AP5B1: variants seen among roughly 807,000 people sequenced by gnomAD.
AP5B1 encodes AP-5 complex subunit beta-1.
A neutral mutation model predicts 5.7 loss-of-function variants in AP5B1; 3 were observed. The ratio of observed to expected loss-of-function variants is 0.53; its 90% confidence interval spans 0.24 to 1.36. The LOEUF is 1.36. AP5B1 is among the 40% of genes most tolerant of loss of function. AP5B1 has a pLI of 0.17. For synonymous variants in AP5B1, 696 were observed against 555.5 expected (o/e 1.25, Z -3.56); for missense variants, 1,310 against 1,143.2 (o/e 1.15, Z -2.10).
In AP5B1 at chr11:65,779,591, TG is replaced by T. The variant is rs1411638899; in HGVS notation, c.901del (p.Gln301ArgfsTer16). ...WLLGWALRGL[Q>X]GQPPALFKPQ... Reference sequence around the variant, plus strand: ...CTTGAAGAGTGCCGGTGGCTGTCCCTGCAGACCCCGCAGGGCCCAGCCCAGC... The same window carrying T: ...CTTGAAGAGTGCCGGTGGCTGTCCCTCAGACCCCGCAGGGCCCAGCCCAGC... On this transcript the variant is annotated frameshift_variant, in exon 2 of 2. Transcript: ENST00000532090. LOFTEE classifies it low-confidence loss of function (END_TRUNC). The T allele has an allele frequency of 1.2e-6, 2 of 1,606,732 alleles. No homozygotes were observed.
chr11:65,779,969 A>G lies in AP5B1; in HGVS notation c.524T>C (p.Leu175Pro). 1.3e-6 allele frequency: 2 copies of G among 1,581,420 alleles called. No homozygotes were observed. Among genetic ancestry groups the G allele is most frequent in the Non-Finnish European group, 8.6e-7 (1 of 1,164,472 alleles). ...LGGSLGLLRG[L>P]LGQEGPVQPL... ...CTGGACAGGGCCTTCCTGCCCCAGC[A>G]GGCCCCGCAGCAACCCCAGGGAGCC... The change falls in exon 2 of 2, where the codon CTG becomes CCG. Residue 175 changes from leucine to proline, a missense_variant. Physicochemically the swap from Leu to Pro is moderately conservative, Grantham distance 98. Coordinates refer to ENST00000532090, the MANE Select transcript of AP5B1 (RefSeq NM_138368.5).
Position 65,777,495 on chromosome 11 carries a change from T to G in AP5B1, c.*361A>C. On this transcript the variant is annotated 3_prime_UTR_variant, in exon 2 of 2. Coordinates refer to ENST00000532090, the MANE Select transcript of AP5B1 (RefSeq NM_138368.5). Reference sequence around the variant, plus strand: ...TGCCCTCCTGCGTGGACTCAGGCCGTTATCTTGGGAGTGGGTTCGCTCTCT... The same window carrying G: ...TGCCCTCCTGCGTGGACTCAGGCCGGTATCTTGGGAGTGGGTTCGCTCTCT... 5 of 225,494 alleles carry G rather than the reference T, an allele frequency of 2.2e-5. No individual in the cohort carries two copies. Among genetic ancestry groups the G allele is most frequent in the East Asian group, 9.0e-5 (1 of 11,150 alleles). 14.0% of individuals were successfully genotyped at this position (225,494 alleles called of 1,614,324 possible). A position where few individuals can be genotyped will look rare whatever the true frequency, so the allele number is the denominator to read the frequency against.
At position 65,776,726 on chromosome 11, in the gene AP5B1, G is replaced by A. The variant is rs1857769446; in HGVS notation, c.*1130C>T. The stretch of plus-strand genomic sequence containing the variant: ...GCTGGCTCTAATCGGCACAGCTTGG[G>A]AAGCTCTCCACCTGGCCACTGCTGT... On this transcript the variant is annotated 3_prime_UTR_variant, in exon 2 of 2. Coordinates refer to ENST00000532090, the MANE Select transcript of AP5B1 (RefSeq NM_138368.5). The A allele has an allele frequency of 6.6e-6, 1 of 152,244 alleles. No homozygotes were observed. The highest frequency in any genetic ancestry group is 6.5e-5 in the Admixed American group (1 of 15,278). 9.4% of individuals were successfully genotyped at this position (152,244 alleles called of 1,614,324 possible). A position where few individuals can be genotyped will look rare whatever the true frequency, so the allele number is the denominator to read the frequency against.
In AP5B1 at chr11:65,778,614, A is replaced by T. The variant is rs372288226; in HGVS notation, c.1879T>A (p.Leu627Met). 3 of 1,595,496 alleles carry T rather than the reference A, an allele frequency of 1.9e-6. No individual in the cohort carries two copies. The highest frequency in any genetic ancestry group is 4.5e-5 in the East Asian group (2 of 44,112). The change falls in exon 2 of 2, where the codon TTG becomes ATG. Residue 627 changes from leucine (L) to methionine (M), a missense_variant. Leu to Met is a conservative substitution (Grantham distance 15). Transcript: ENST00000532090. ...ILLAHLAAPK[L>M]GVALGPSLAA... Reference sequence around the variant, plus strand: ...AGCGAGGGGCCCAGGGCCACCCCCAACTTGGGTGCTGCCAGGTGTGCCAGC... The same window carrying T: ...AGCGAGGGGCCCAGGGCCACCCCCATCTTGGGTGCTGCCAGGTGTGCCAGC...
chr11:65,778,404 A>G lies in AP5B1; in HGVS notation c.2089T>C (p.Phe697Leu), dbSNP rs1555023306. ...LEPIYSLELRFRVEGQLYAPL... is the reference protein window; with the variant it reads ...LEPIYSLELRLRVEGQLYAPL... ...GCATACAGCTGTCCTTCCACACGGA[A>G]GCGCAGCTCCAGAGAGTAGATGGGC... Residue 697 changes from phenylalanine (F) to leucine (L), a missense_variant, in exon 2 of 2, where the codon TTC (phenylalanine) becomes CTC (leucine). Transcript: ENST00000532090. 3.8e-6 allele frequency: 6 copies of G among 1,593,018 alleles called. No homozygotes were observed. Among genetic ancestry groups the G allele is most frequent in the Non-Finnish European group, 4.3e-6 (5 of 1,172,114 alleles).
In AP5B1 at chr11:65,780,446, G is replaced by T; in HGVS notation, c.146C>A (p.Thr49Asn). The stretch of plus-strand genomic sequence containing the variant: ...AGGGGACGCGTGGGGGCCTACCTTG[G>T]TCTGTTCGCTCAGCTTCTCACTTCT... ...DLRSEKLSEQTKVSLLALSME... is the reference protein window; with the variant it reads ...DLRSEKLSEQNKVSLLALSME... Residue 49 changes from threonine (T) to asparagine (N), a missense_variant, in exon 1 of 2, where the codon ACC becomes AAC. By Grantham distance (65) the Thr-to-Asn change is moderately conservative (BLOSUM62 0). Transcript: ENST00000532090. 1.3e-6 allele frequency: 2 copies of T among 1,514,954 alleles called. No individual in the cohort carries two copies. The highest frequency in any genetic ancestry group is 1.8e-6 in the Non-Finnish European group (2 of 1,137,974). 93.8% of individuals were successfully genotyped at this position (1,514,954 alleles called of 1,614,324 possible).
At position 65,779,003 on chromosome 11, in the gene AP5B1, C is replaced by T. The variant is rs541756495; in HGVS notation, c.1490G>A (p.Arg497Gln). 21 of 1,610,892 alleles carry T rather than the reference C, an allele frequency of 1.3e-5. No homozygotes were observed. The highest frequency in any genetic ancestry group is 6.7e-5 in the Admixed American group (4 of 59,810). ...CACAAAGTGGGGAGCCAGCATGGGC[C>T]GGGCTTGGTACAGCTGGGCCAGTCC... The part of the protein sequence containing the change: ...IHGLAQLYQA[R>Q]PMLAPHFVDL... Residue 497 changes from arginine to glutamine, a missense_variant, in exon 2 of 2, where the codon CGG becomes CAG. Coordinates refer to ENST00000532090, the MANE Select transcript of AP5B1 (RefSeq NM_138368.5).
chr11:65,780,819 G>C lies in AP5B1; in HGVS notation c.-228C>G. Reference sequence around the variant, plus strand: ...ACAGGACAGGAGCAGGGCGGGGGAGGGTGCGTGCCGAGAGCTCGTTAGGCC... The same window carrying C: ...ACAGGACAGGAGCAGGGCGGGGGAGCGTGCGTGCCGAGAGCTCGTTAGGCC... On this transcript the variant is annotated 5_prime_UTR_variant, in exon 1 of 2. Transcript: ENST00000532090. 2.7e-6 allele frequency: 1 copy of C among 370,890 alleles called. No homozygotes were observed. Among genetic ancestry groups the C allele is most frequent in the Non-Finnish European group, 4.7e-6 (1 of 212,892 alleles). The allele number at this position is 370,890 out of a possible 1,614,324, so 23.0% of individuals were successfully genotyped here. A position where few individuals can be genotyped will look rare whatever the true frequency, so the allele number is the denominator to read the frequency against.
rs370641343 is a variant in AP5B1, at chr11:65,777,781, T to C, written c.*75A>G. ...GAGGGCACTGCGGAATGCAGGGTTT[T>C]GGCGACAGAGCTACAGGAGTGTGCC... On this transcript the variant is annotated 3_prime_UTR_variant, in exon 2 of 2. Coordinates refer to ENST00000532090, the MANE Select transcript of AP5B1 (RefSeq NM_138368.5). 3.8e-5 allele frequency: 54 copies of C among 1,423,000 alleles called. 1 individual carries two copies. The South Asian group carries it at 7.4e-4, about 20-fold the overall frequency. The allele number at this position is 1,423,000 out of a possible 1,614,324, so 88.1% of individuals were successfully genotyped here. A position where few individuals can be genotyped will look rare whatever the true frequency, so the allele number is the denominator to read the frequency against.
At position 65,780,583 on chromosome 11, in the gene AP5B1, G is replaced by A. The variant is rs766625728; in HGVS notation, c.9C>T (p.Pro3=). 1 of 1,455,462 alleles carries A rather than the reference G, an allele frequency of 6.9e-7. No individual in the cohort carries two copies. 90.2% of individuals were successfully genotyped at this position (1,455,462 alleles called of 1,614,324 possible). The change falls in exon 1 of 2, where the codon CCC becomes CCT. Residue 3 remains proline (P), a synonymous_variant. Transcript: ENST00000532090. ...GCTGGGCCCAGGCGTCCCGGCTCAG[G>A]GGCCCCATGGTGAGGCGCGCGGGCC... MG[P]LSRDAWAQRL... is the part of the protein sequence containing the mutation.
chr11:65,778,500 G>T lies in AP5B1; in HGVS notation c.1993C>A (p.Arg665=). 6.4e-7 allele frequency: 1 copy of T among 1,573,250 alleles called. No individual in the cohort carries two copies. The change falls in exon 2 of 2, where the codon CGG becomes AGG. Residue 665 remains arginine (R), a synonymous_variant. Coordinates refer to ENST00000532090, the MANE Select transcript of AP5B1 (RefSeq NM_138368.5). ...ACCCGATGGGACCCCAGGCTCAGCCGTACCAGGGCCGGTGCCTCCTGCACC... is the reference window on the plus strand; with the variant it reads ...ACCCGATGGGACCCCAGGCTCAGCCTTACCAGGGCCGGTGCCTCCTGCACC... ...LMVQEAPALV[R]LSLGSHRVKG...
In AP5B1 at chr11:65,776,281, T is replaced by A. The variant is rs546506169; in HGVS notation, c.*1575A>T. On this transcript the variant is annotated 3_prime_UTR_variant, in exon 2 of 2. Coordinates refer to ENST00000532090, the MANE Select transcript of AP5B1 (RefSeq NM_138368.5). Reference sequence around the variant, plus strand: ...TGGGGAACCTGTGGCTGGGAGCCCATGAGGCAGGGGCAGCAGAAGAGGGCA... The same window carrying A: ...TGGGGAACCTGTGGCTGGGAGCCCAAGAGGCAGGGGCAGCAGAAGAGGGCA... The A allele has an allele frequency of 6.6e-6, 1 of 152,324 alleles. No homozygotes were observed. Among genetic ancestry groups the A allele is most frequent in the African/African-American group, 2.4e-5 (1 of 41,536 alleles). 9.4% of individuals were successfully genotyped at this position (152,324 alleles called of 1,614,324 possible). A position where few individuals can be genotyped will look rare whatever the true frequency, so the allele number is the denominator to read the frequency against.
rs918192722 is a variant in AP5B1, at chr11:65,780,779, C to G, written c.-188G>C. ...CGGGGCCGACGCCAGAGCTGGGCGC[C>G]GGGGCCCTCGCGGGACAGGACAGGA... On this transcript the variant is annotated 5_prime_UTR_variant, in exon 1 of 2. Transcript: ENST00000532090. The G allele has an allele frequency of 3.9e-5, 19 of 483,548 alleles. No individual in the cohort carries two copies. Among genetic ancestry groups the G allele is most frequent in the East Asian group, 3.7e-4 (9 of 24,322 alleles). 30.0% of individuals were successfully genotyped at this position (483,548 alleles called of 1,614,324 possible).
chr11:65,779,327 G>T lies in AP5B1; in HGVS notation c.1166C>A (p.Ala389Asp). The change falls in exon 2 of 2, where the codon GCC (alanine) becomes GAC (aspartate). Residue 389 changes from alanine to aspartate, a missense_variant. Coordinates refer to ENST00000532090, the MANE Select transcript of AP5B1 (RefSeq NM_138368.5). The part of the protein sequence containing the change: ...WPLGPEGEEA[A>D]PLLLGPQLCR... ...TAGCTGGGGCCCTAGCAGCAGTGGG[G>T]CAGCCTCCTCACCTTCAGGGCCCAG... is the stretch of plus-strand genomic sequence containing the variant. 6.3e-7 allele frequency: 1 copy of T among 1,597,370 alleles called. No homozygotes were observed. The highest frequency in any genetic ancestry group is 1.1e-5 in the South Asian group (1 of 88,754).
chr11:65,779,955 C>A lies in AP5B1; in HGVS notation c.538G>T (p.Gly180Cys). The part of the protein sequence containing the change: ...GLLRGLLGQE[G>C]PVQPLSLLLA... ...AACAGGCTGAGTGGCTGGACAGGGC[C>A]TTCCTGCCCCAGCAGGCCCCGCAGC... The change falls in exon 2 of 2, where the codon GGC becomes TGC. Residue 180 changes from glycine to cysteine, a missense_variant. Coordinates refer to ENST00000532090, the MANE Select transcript of AP5B1 (RefSeq NM_138368.5). 4 of 1,589,808 alleles carry A rather than the reference C, an allele frequency of 2.5e-6. No individual in the cohort carries two copies. The highest frequency in any genetic ancestry group is 3.4e-6 in the Non-Finnish European group (4 of 1,168,412).
At position 65,780,701 on chromosome 11, in the gene AP5B1, G is replaced by A. The variant is rs1359272984; in HGVS notation, c.-110C>T. The A allele has an allele frequency of 2.6e-6, 3 of 1,165,126 alleles. No individual in the cohort carries two copies. Among genetic ancestry groups the A allele is most frequent in the South Asian group, 3.3e-5 (1 of 30,350 alleles). The allele number at this position is 1,165,126 out of a possible 1,614,324, so 72.2% of individuals were successfully genotyped here. A position where few individuals can be genotyped will look rare whatever the true frequency, so the allele number is the denominator to read the frequency against. On this transcript the variant is annotated 5_prime_UTR_variant, in exon 1 of 2. Coordinates refer to ENST00000532090, the MANE Select transcript of AP5B1 (RefSeq NM_138368.5). ...GGGGCTGCGGTCACCCCCAGACGCC[G>A]CGCAGATGCCGGCGGGACCCGCGCC...
Position 65,779,320 on chromosome 11 carries a change from C to A in AP5B1, c.1173G>T (p.Leu391=). ...CACGGCATAGCTGGGGCCCTAGCAG[C>A]AGTGGGGCAGCCTCCTCACCTTCAG... ...LGPEGEEAAP[L]LLGPQLCRGL... is the part of the protein sequence containing the mutation. The change falls in exon 2 of 2, where the codon CTG becomes CTT. Residue 391 remains leucine, a synonymous_variant. Coordinates refer to ENST00000532090, the MANE Select transcript of AP5B1 (RefSeq NM_138368.5). 6.3e-7 allele frequency: 1 copy of A among 1,597,942 alleles called. No homozygotes were observed. Among genetic ancestry groups the A allele is most frequent in the Non-Finnish European group, 8.5e-7 (1 of 1,171,544 alleles).
In AP5B1 at chr11:65,779,445, G is replaced by C. The variant is rs750539876; in HGVS notation, c.1048C>G (p.Arg350Gly). 5 of 1,607,092 alleles carry C rather than the reference G, an allele frequency of 3.1e-6. No individual in the cohort carries two copies. The highest frequency in any genetic ancestry group is 2.5e-6 in the Non-Finnish European group (3 of 1,177,330). The change falls in exon 2 of 2, where the codon CGG becomes GGG. Residue 350 changes from arginine (R) to glycine (G), a missense_variant. Physicochemically the swap from Arg to Gly is moderately radical, Grantham distance 125 (BLOSUM62 -2). Coordinates refer to ENST00000532090, the MANE Select transcript of AP5B1 (RefSeq NM_138368.5). ...GGGTGCTGGGCAGCCAAGGTGAGCC[G>C]GCGGAGCAGCAACGCTTCATCCTGG... is the stretch of plus-strand genomic sequence containing the variant. ...TAQDEALLLR[R>G]LTLAAQHPAL...
rs1244370574 is a variant in AP5B1, at chr11:65,777,058, G to A, written c.*798C>T. 6.6e-6 allele frequency: 1 copy of A among 152,182 alleles called. No individual in the cohort carries two copies. The highest frequency in any genetic ancestry group is 1.9e-4 in the East Asian group (1 of 5,192). The allele number at this position is 152,182 out of a possible 1,614,324, so 9.4% of individuals were successfully genotyped here. A position where few individuals can be genotyped will look rare whatever the true frequency, so the allele number is the denominator to read the frequency against. The stretch of plus-strand genomic sequence containing the variant: ...GAGCCTGAGAGGCAGAGTCTGCAAT[G>A]ATCCCTAATCACACCACTGCACTCC... On this transcript the variant is annotated 3_prime_UTR_variant, in exon 2 of 2. Transcript: ENST00000532090.
Sources: allele counts gnomAD v4.1 joint callset, GRCh38; gene constraint gnomAD v4.1.1; transcripts MANE v1.5; gene names NCBI Gene and HGNC (gene_info 2026-07-23, HGNC 2026-07-21).